Variants in PRDM5 observed in about 807,000 individuals in gnomAD.
PRDM5 encodes the protein PR/SET domain 5, also known as PR domain zinc finger protein 5.
In PRDM5, 56 loss-of-function variants were observed where a neutral mutation model predicts 81.2. The ratio of observed to expected loss-of-function variants is 0.69; its 90% CI spans 0.56 to 0.86. The LOEUF is 0.86. PRDM5 is among the 40% of genes least tolerant of loss of function. The pLI, the probability that PRDM5 is intolerant of heterozygous loss-of-function variation, is 0.00. For synonymous variants in PRDM5, 267 were observed against 256.4 expected (o/e 1.04, Z -0.39); for missense variants, 697 against 770.1 (o/e 0.91, Z 1.12).
intron 14 of PRDM5, among the ~76,000 whole-genome samples, chr4:120,724,272 A>G (rs1739077898): frequency 6.6e-6 from 1 of 152,166 alleles, no homozygotes; most frequent in South Asian, 2.1e-4. Flanking sequence ...GGGAAACACA[A>G]AAAGGTTTAA....
At chr4:120,854,807 A>C (rs962771640) in intron 2 of PRDM5, among the ~76,000 whole-genome samples, 7 of 152,102 alleles carry the variant, frequency 4.6e-5, no homozygotes, top group African/African-American at 1.7e-4. Context: ...AGAGGACCTT[A>C]AGAGTTCTAA....
At chr4:120,871,081 G>C (rs544885303) in intron 2 of PRDM5, among the ~76,000 whole-genome samples, 2 of 152,250 alleles carry the variant, frequency 1.3e-5, no homozygotes, top group East Asian at 1.9e-4. Flanking sequence ...CATGGGAAGA[G>C]GGAACTCTCT....
At chr4:120,727,705 G>A (rs1739630348) in intron 14 of PRDM5, among the ~76,000 whole-genome samples, 1 of 152,158 alleles carries the variant, frequency 6.6e-6, no homozygotes, top group Non-Finnish European at 1.5e-5. Context: ...GGCGGCTGAG[G>A]CGGGTGGATC....
intron 2 of PRDM5, chr4:120,896,403 A>G (rs1764617697): frequency 6.6e-6 from 1 of 152,156 alleles, no homozygotes. Flanking sequence ...ATATCATTTA[A>G]TATCTTTAAA....
At chr4:120,883,107 A>G (rs954234314) in intron 2 of PRDM5, among the ~76,000 whole-genome samples, 2 of 152,196 alleles carry the variant, frequency 1.3e-5, no homozygotes, top group Non-Finnish European at 2.9e-5. Context: ...AGTTTCTTTT[A>G]AAGTGTTATT....
At chr4:120,904,940 A>G in intron 2 of PRDM5, among the ~76,000 whole-genome samples, 1 of 152,296 alleles carries the variant, frequency 6.6e-6, no homozygotes, top group Middle Eastern at 3.4e-3. Context: ...CCTGTTAAAA[A>G]TGTAGCATTT....
chr4:120,917,814 T>C (rs1220293684), intron 1 of PRDM5, among the ~76,000 whole-genome samples: 3 of 152,112 alleles, frequency 2.0e-5, no homozygotes, highest in African/African-American at 7.2e-5. Flanking sequence ...AAAGTGTGCA[T>C]GTGTTTGTAT....
At chr4:120,887,298 C>T (rs1056621077) in intron 2 of PRDM5, among the ~76,000 whole-genome samples, 4 of 152,074 alleles carry the variant, frequency 2.6e-5, no homozygotes, top group African/African-American at 4.8e-5. Flanking sequence ...TGTTAGTTAC[C>T]TTCAACACAC....
chr4:120,871,601 T>C (rs1761798095), intron 2 of PRDM5, among the ~76,000 whole-genome samples: 1 of 152,188 alleles, frequency 6.6e-6, no homozygotes, highest in Non-Finnish European at 1.5e-5. Flanking sequence ...TATTTGCATA[T>C]AGGTCAATAT....
intron 15 of PRDM5, among the ~76,000 whole-genome samples, chr4:120,705,392 T>C (rs982245870): frequency 2.0e-5 from 3 of 151,950 alleles, no homozygotes; most frequent in Non-Finnish European, 4.4e-5. Flanking sequence ...AAGGAAGTAA[T>C]GGAGATAAGA....
chr4:120,704,786 G>A (rs953008296), intron 15 of PRDM5, among the ~76,000 whole-genome samples: 2 of 152,178 alleles, frequency 1.3e-5, no homozygotes, highest in Non-Finnish European at 2.9e-5. Context: ...CCTGGATCTG[G>A]AAGGATGCAT....
At chr4:120,854,253 G>A (rs1003268287) in intron 2 of PRDM5, among the ~76,000 whole-genome samples, 1 of 152,116 alleles carries the variant, frequency 6.6e-6, no homozygotes, top group Non-Finnish European at 1.5e-5. Flanking sequence ...TTGAACCCAA[G>A]TTACTTGAAA....
intron 10 of PRDM5, among the ~76,000 whole-genome samples, chr4:120,795,679 G>A (rs904290564): frequency 1.3e-4 from 19 of 151,980 alleles, no homozygotes; most frequent in Admixed American, 9.8e-4. Context: ...TTGGGAGGCC[G>A]AGGTAGGCAG....
chr4:120,741,067 C>T (rs184725822), intron 14 of PRDM5, among the ~76,000 whole-genome samples: 82 of 152,208 alleles, frequency 5.4e-4, no homozygotes, highest in African/African-American at 1.8e-3. Flanking sequence ...GTCCTGGAAT[C>T]CACCAGCCCT....
intron 2 of PRDM5, among the ~76,000 whole-genome samples, chr4:120,878,949 T>C (rs1324186057): frequency 6.6e-6 from 1 of 152,102 alleles, no homozygotes; most frequent in Non-Finnish European, 1.5e-5. Context: ...GAATGCAAAA[T>C]GGTACAGCCT....
At chr4:120,895,091 A>G (rs1394315053) in intron 2 of PRDM5, among the ~76,000 whole-genome samples, 2 of 152,224 alleles carry the variant, frequency 1.3e-5, no homozygotes, top group East Asian at 3.8e-4. Flanking sequence ...TCACAAAGAG[A>G]CAAAGTGTAA....
intron 15 of PRDM5, among the ~76,000 whole-genome samples, chr4:120,698,093 T>G (rs1201183584): frequency 2.6e-5 from 4 of 152,166 alleles, no homozygotes; most frequent in Non-Finnish European, 4.4e-5. Flanking sequence ...AAGTACATTT[T>G]TATAACCAGA....
rs1339166921 is a variant in PRDM5 at position 120,693,713 on chromosome 4, T to C, written c.*1398A>G. The C allele has an allele frequency of 6.6e-6, 1 of 152,164 alleles. No individual in the cohort carries two copies. The highest frequency in any genetic ancestry group is 1.5e-5 in the Non-Finnish European group (1 of 68,016). 9.4% of individuals were successfully genotyped at this position (152,164 alleles called of 1,614,324 possible). ...ACTGTGTCTCAGATAACCTTTCTCC[T>C]TAACTCATTAGAACCAAATAACTTC... is the stretch of plus-strand genomic sequence containing the variant. On this transcript the variant is annotated 3_prime_UTR_variant, in exon 16 of 16. Transcript: ENST00000264808.
At chr4:120,853,263 T>C (rs1317293705) in intron 3 of PRDM5, among the ~76,000 whole-genome samples, 155 bp downstream of exon 3, 2 of 152,206 alleles carry the variant, frequency 1.3e-5, no homozygotes, top group Admixed American at 1.3e-4. Context: ...TGCCCTTTCC[T>C]ACATATGCTG....
Sources: allele counts gnomAD v4.1 joint callset (sites outside exome capture counted in the v4.1 genomes callset), GRCh38; gene constraint gnomAD v4.1.1; transcripts MANE v1.5; gene names NCBI Gene and HGNC (gene_info 2026-07-23, HGNC 2026-07-21).